Variants in OXCT1 observed in about 807,000 individuals in gnomAD.
The protein encoded by OXCT1 is 3-oxoacid CoA-transferase 1.
In OXCT1, 27 loss-of-function variants were observed where a neutral mutation model predicts 69.6. The observed-to-expected ratio is 0.39, with a 90% CI of 0.29 to 0.54. The LOEUF (loss-of-function observed/expected upper bound fraction) is 0.54, where lower values mean the gene tolerates loss of function less well. OXCT1 is among the 20% of genes least tolerant of loss of function. The pLI is 0.72. For missense variants in OXCT1, 437 were observed against 650.2 expected (o/e 0.67, Z 3.57); for synonymous variants, 202 against 217.8 (o/e 0.93, Z 0.64).
chr5:41,774,934 A>G (rs1745051882), intron 13 of OXCT1, among the ~76,000 whole-genome samples: 1 of 152,166 alleles, frequency 6.6e-6, no homozygotes, highest in African/African-American at 2.4e-5. Context: ...AATAAATAAC[A>G]TAAACATGGT....
intron 4 of OXCT1, 98 bp downstream of exon 4, chr5:41,853,321 C>T: frequency 9.3e-7 from 1 of 1,073,912 alleles, no homozygotes. Flanking sequence ...AAGTACTATT[C>T]CTTCTGCCTT....
intron 13 of OXCT1, among the ~76,000 whole-genome samples, chr5:41,793,478 A>C (rs997779507): frequency 6.6e-6 from 1 of 152,218 alleles, no homozygotes. Context: ...ACAACTGTGC[A>C]TTTCATATTA....
At chr5:41,848,414 C>T (rs1371722658) in intron 5 of OXCT1, among the ~76,000 whole-genome samples, 2 of 148,452 alleles carry the variant, frequency 1.3e-5, no homozygotes, top group Non-Finnish European at 3.0e-5. Context: ...ACTTTCTTCA[C>T]AGAATTGGAA....
intron 8 of OXCT1, among the ~76,000 whole-genome samples, chr5:41,806,801 A>G (rs1746703323): frequency 6.6e-6 from 1 of 152,052 alleles, no homozygotes; most frequent in Non-Finnish European, 1.5e-5. Flanking sequence ...CAGCAATGCA[A>G]AAGGGACTAA....
intron 4 of OXCT1, among the ~76,000 whole-genome samples, chr5:41,851,997 G>A (rs1749195044): frequency 6.6e-6 from 1 of 152,108 alleles, no homozygotes; most frequent in Non-Finnish European, 1.5e-5. Flanking sequence ...GCCCTGATCT[G>A]GTATGATTAG....
chr5:41,834,714 A>T (rs1401118603), intron 7 of OXCT1, among the ~76,000 whole-genome samples: 2 of 152,166 alleles, frequency 1.3e-5, no homozygotes, highest in African/African-American at 4.8e-5. Flanking sequence ...ACAGATTAAA[A>T]TACAACAGCT....
intron 14 of OXCT1, among the ~76,000 whole-genome samples, chr5:41,750,035 G>C (rs1743689720): frequency 6.7e-6 from 1 of 149,062 alleles, no homozygotes; most frequent in Non-Finnish European, 1.5e-5. Flanking sequence ...TACTTTATCT[G>C]TTAAAAAAGT....
chr5:41,804,221 A>G (rs1023459372), intron 9 of OXCT1, among the ~76,000 whole-genome samples: 8 of 152,096 alleles, frequency 5.3e-5, no homozygotes, highest in Admixed American at 3.9e-4. Flanking sequence ...TTATTTCTCA[A>G]TAATGCACAG....
chr5:41,732,726 G>A (rs962498508), intron 16 of OXCT1, among the ~76,000 whole-genome samples: 3 of 152,166 alleles, frequency 2.0e-5, no homozygotes, highest in Non-Finnish European at 2.9e-5. Context: ...ACAAATGAAT[G>A]AATAAGTAGA....
intron 7 of OXCT1, among the ~76,000 whole-genome samples, chr5:41,817,159 T>C (rs1177083125): frequency 6.6e-6 from 1 of 152,168 alleles, no homozygotes; most frequent in Non-Finnish European, 1.5e-5. Flanking sequence ...AATTTATTGA[T>C]GTCAATATTT....
At chr5:41,754,971 C>A (rs1195457089) in intron 14 of OXCT1, among the ~76,000 whole-genome samples, 1 of 152,012 alleles carries the variant, frequency 6.6e-6, no homozygotes, top group Non-Finnish European at 1.5e-5. Context: ...ATTTCTTGTA[C>A]ACTGTATCAT....
intron 13 of OXCT1, among the ~76,000 whole-genome samples, chr5:41,790,073 CAA>C (rs559825292): frequency 6.5e-4 from 99 of 152,166 alleles, no homozygotes; most frequent in African/African-American, 2.3e-3. Context: ...AAAAAAACAC[CAA>C]AAGTGTCCCA....
intron 15 of OXCT1, among the ~76,000 whole-genome samples, chr5:41,746,316 C>T (rs1743487388): frequency 6.6e-6 from 1 of 151,952 alleles, no homozygotes; most frequent in African/African-American, 2.4e-5. Flanking sequence ...TTACCTCATT[C>T]CAGCAGGTCA....
chr5:41,792,849 G>A (rs901578363), intron 13 of OXCT1, among the ~76,000 whole-genome samples: 1 of 152,100 alleles, frequency 6.6e-6, no homozygotes, highest in Non-Finnish European at 1.5e-5. Flanking sequence ...TCACATATCA[G>A]AACCACCTGA....
At chr5:41,822,243 T>C (rs557311746) in intron 7 of OXCT1, among the ~76,000 whole-genome samples, 2 of 151,774 alleles carry the variant, frequency 1.3e-5, no homozygotes, top group South Asian at 2.1e-4. Flanking sequence ...CTACTGGGAG[T>C]GACAGGAGGC....
chr5:41,751,264 G>A (rs1293188676), intron 14 of OXCT1, among the ~76,000 whole-genome samples: 1 of 152,104 alleles, frequency 6.6e-6, no homozygotes, highest in Non-Finnish European at 1.5e-5. Context: ...GCCAGCCACT[G>A]AAGAACATTT....
At chr5:41,814,140 A>C (rs949140509) in intron 7 of OXCT1, among the ~76,000 whole-genome samples, 2 of 151,424 alleles carry the variant, frequency 1.3e-5, no homozygotes, top group Non-Finnish European at 2.9e-5. Context: ...GAAAAAAAAA[A>C]CAGGTAAAAA....
chr5:41,811,016 G>GA (rs1289437286), intron 7 of OXCT1, among the ~76,000 whole-genome samples: 15 of 118,378 alleles, frequency 1.3e-4, no homozygotes, highest in African/African-American at 2.9e-4. Flanking sequence ...AAAAAGAAAA[G>GA]AAAAAAAACA....
chr5:41,838,596 G>A (rs998915527), intron 7 of OXCT1, among the ~76,000 whole-genome samples: 1 of 151,540 alleles, frequency 6.6e-6, no homozygotes, highest in Non-Finnish European at 1.5e-5. Flanking sequence ...TATGGGACTA[G>A]TATAAAGGTA....
Sources: allele counts gnomAD v4.1 joint callset (sites outside exome capture counted in the v4.1 genomes callset), GRCh38; gene constraint gnomAD v4.1.1; transcripts MANE v1.5; gene names NCBI Gene and HGNC (gene_info 2026-07-23, HGNC 2026-07-21).